The following UMAD1 variants were observed in gnomAD, a reference collection of about 807,000 sequenced individuals.
UMAD1 encodes UBAP1-MVB12-associated (UMA)-domain containing protein 1.
Under a neutral mutation model 6.1 loss-of-function variants are expected in UMAD1, and 8 were observed. The ratio of observed to expected loss-of-function variants is 1.30; its 90% CI spans 0.76 to 2.35. The LOEUF (loss-of-function observed/expected upper bound fraction) is 2.35, where lower values mean the gene tolerates loss of function less well. Among genes scored for constraint, UMAD1 ranks in the 30% most tolerant of loss-of-function variants. The pLI, the probability that UMAD1 is intolerant of heterozygous loss-of-function variation, is 0.00. For missense variants in UMAD1, 130 were observed against 78.4 expected (o/e 1.66, Z -2.49); for synonymous variants, 56 against 31.4 (o/e 1.78, Z -2.61).
At chr7:7,689,207 A>G (rs1256174009) in intron 2 of UMAD1, 1 of 152,218 alleles carries the variant, frequency 6.6e-6, no homozygotes, top group African/African-American at 2.4e-5. Flanking sequence ...TGCGACATGA[A>G]GGAAGATCAA....
In UMAD1 at chr7:7,861,019, G is replaced by C. The variant is rs146315986; in HGVS notation, c.157-16262G>C. Among the ~76,000 whole-genome samples, 800 of 152,196 alleles carry C rather than the reference G, an allele frequency of 5.3e-3. 7 individuals carry two copies. Among genetic ancestry groups the C allele is most frequent in the African/African-American group, 0.018 (755 of 41,516 alleles). On this transcript the variant is annotated intron_variant, in intron 3 of 3. Transcript: ENST00000682710. ...GACACAAAAGGATATACATTGTATGGTTCCATTTATATAAGGTGCCTATAA... is the reference window on the plus strand; with the variant it reads ...GACACAAAAGGATATACATTGTATGCTTCCATTTATATAAGGTGCCTATAA...
chr7:7,697,633 T>A (rs1780353129), intron 2 of UMAD1, among the ~76,000 whole-genome samples: 1 of 152,202 alleles, frequency 6.6e-6, no homozygotes, highest in Non-Finnish European at 1.5e-5. Flanking sequence ...TTTTATTTTT[T>A]TAAGCTGATA....
chr7:7,661,174 A>G (rs139750592), intron 1 of UMAD1, among the ~76,000 whole-genome samples: 2 of 152,198 alleles, frequency 1.3e-5, no homozygotes, highest in Non-Finnish European at 2.9e-5. Context: ...CAGGTCATTT[A>G]TGTTCTTCTC....
At chr7:7,703,439 A>AT (rs1277006137) in intron 2 of UMAD1, among the ~76,000 whole-genome samples, 2 of 152,184 alleles carry the variant, frequency 1.3e-5, no homozygotes, top group Non-Finnish European at 2.9e-5. Flanking sequence ...CTAATTTCTT[A>AT]TTTATTAAAT....
At chr7:7,822,766 AT>A (rs1255703485) in intron 3 of UMAD1, among the ~76,000 whole-genome samples, 1 of 152,100 alleles carries the variant, frequency 6.6e-6, no homozygotes, top group African/African-American at 2.4e-5. Flanking sequence ...TGCCCCTGTC[AT>A]TCTCTTTTTC....
Position 7,806,832 on chromosome 7 carries a change from T to G in UMAD1, c.156+5089T>G, listed in dbSNP as rs148681111. Reference sequence around the variant, plus strand: ...TTAATTTTTAATGACTAAGCAATGTTGAAATATTCTCTATAACGAGAACAT... The same window carrying G: ...TTAATTTTTAATGACTAAGCAATGTGGAAATATTCTCTATAACGAGAACAT... On this transcript the variant is annotated intron_variant, in intron 3 of 3. Transcript: ENST00000682710. Among the ~76,000 whole-genome samples, 282 of 152,322 alleles carry G rather than the reference T, an allele frequency of 1.9e-3. 2 individuals carry two copies. Among genetic ancestry groups the G allele is most frequent in the African/African-American group, 6.6e-3 (276 of 41,578 alleles).
intron 1 of UMAD1, among the ~76,000 whole-genome samples, chr7:7,642,196 A>C (rs1784989489): frequency 1.3e-5 from 2 of 152,152 alleles, no homozygotes. Context: ...GTGCAGTAGC[A>C]TGCACATAGC....
intron 2 of UMAD1, among the ~76,000 whole-genome samples, chr7:7,723,275 G>A (rs1781083996): frequency 6.6e-6 from 1 of 152,178 alleles, no homozygotes; most frequent in East Asian, 1.9e-4. Flanking sequence ...AAGGGTGTGG[G>A]ATAATGGTGG....
chr7:7,723,589 G>A (rs1781088923), intron 2 of UMAD1, among the ~76,000 whole-genome samples: 1 of 152,170 alleles, frequency 6.6e-6, no homozygotes, highest in South Asian at 2.1e-4. Flanking sequence ...TTTGACCAGT[G>A]CTTTGCAAAA....
At chr7:7,749,785 T>C (rs1781643167) in intron 2 of UMAD1, among the ~76,000 whole-genome samples, 1 of 152,208 alleles carries the variant, frequency 6.6e-6, no homozygotes, top group Non-Finnish European at 1.5e-5. Context: ...GAAACATTTA[T>C]TACACAGAAA....
chr7:7,749,922 G>A (rs1781647093), intron 2 of UMAD1, among the ~76,000 whole-genome samples: 1 of 152,104 alleles, frequency 6.6e-6, no homozygotes, highest in East Asian at 1.9e-4. Flanking sequence ...TATCCATGAA[G>A]GATCTCTTTC....
At chr7:7,689,162 T>A (rs1780111908) in intron 2 of UMAD1, among the ~76,000 whole-genome samples, 1 of 152,054 alleles carries the variant, frequency 6.6e-6, no homozygotes, top group South Asian at 2.1e-4. Flanking sequence ...TTGCCAGTGA[T>A]TGGCTTAGGA....
chr7:7,709,451 G>A lies in UMAD1; in HGVS notation c.82+35998G>A, dbSNP rs1583760955. 2.6e-5 allele frequency among the ~76,000 whole-genome samples: 4 copies of A among 152,332 alleles called. No individual in the cohort carries two copies. The East Asian group carries it at 7.7e-4, about 29-fold the overall frequency. Reference sequence around the variant, plus strand: ...GTGTTGACTTAAAGCATTGCCACCCGAGGAGGGCAGAATGCTGTAAAACAA... The same window carrying A: ...GTGTTGACTTAAAGCATTGCCACCCAAGGAGGGCAGAATGCTGTAAAACAA... On this transcript the variant is annotated intron_variant, in intron 2 of 3. Coordinates refer to ENST00000682710, the MANE Select transcript of UMAD1 (RefSeq NM_001302348.2).
chr7:7,776,302 G>T (rs893356597), intron 2 of UMAD1, among the ~76,000 whole-genome samples: 5 of 152,040 alleles, frequency 3.3e-5, no homozygotes, highest in Admixed American at 2.0e-4. Flanking sequence ...CTCTAGAAAA[G>T]AAATAAAAAT....
At chr7:7,730,100 G>A (rs1187454996) in intron 2 of UMAD1, among the ~76,000 whole-genome samples, 1 of 152,042 alleles carries the variant, frequency 6.6e-6, no homozygotes, top group Non-Finnish European at 1.5e-5. Flanking sequence ...AGCATTCCTG[G>A]AAAAAATCAC....
chr7:7,670,086 A>G (rs966952605), intron 1 of UMAD1, among the ~76,000 whole-genome samples: 4 of 152,232 alleles, frequency 2.6e-5, no homozygotes, highest in African/African-American at 9.6e-5. Flanking sequence ...GTTTCACTTA[A>G]TTACTTGTTA....
chr7:7,665,394 A>C (rs1052755512), intron 1 of UMAD1, among the ~76,000 whole-genome samples: 7 of 152,206 alleles, frequency 4.6e-5, no homozygotes, highest in South Asian at 2.1e-4. Context: ...GCAGAAAAGA[A>C]ACATTTTGCT....
At chr7:7,758,649 T>G (rs747691741) in intron 2 of UMAD1, among the ~76,000 whole-genome samples, 1 of 152,234 alleles carries the variant, frequency 6.6e-6, no homozygotes, top group Admixed American at 6.5e-5. Flanking sequence ...CCGTTTTACT[T>G]ATTTAAACAT....
Position 7,878,273 on chromosome 7 carries a change from C to A in UMAD1, c.*735C>A, listed in dbSNP as rs1453492707. On this transcript the variant is annotated 3_prime_UTR_variant, in exon 4 of 4. Coordinates refer to ENST00000682710, the MANE Select transcript of UMAD1 (RefSeq NM_001302348.2). ...CTTTCCCTGCTTCTGCCTCGGTTGC[C>A]ATTTGCTCTCCTTACCACATATGTT... 1 of 152,352 alleles carries A rather than the reference C, an allele frequency of 6.6e-6. No individual in the cohort carries two copies. The highest frequency in any genetic ancestry group is 2.4e-5 in the African/African-American group (1 of 41,440). The allele number at this position is 152,352 out of a possible 1,614,324, so 9.4% of individuals were successfully genotyped here. A position where few individuals can be genotyped will look rare whatever the true frequency, so the allele number is the denominator to read the frequency against.
Sources: allele counts gnomAD v4.1 joint callset (sites outside exome capture counted in the v4.1 genomes callset), GRCh38; gene constraint gnomAD v4.1.1; transcripts MANE v1.5; gene names NCBI Gene and HGNC (gene_info 2026-07-23, HGNC 2026-07-21).